Variants in GSE1 observed in about 807,000 individuals in gnomAD.
GSE1 encodes the protein Gse1 coiled-coil protein.
A neutral mutation model predicts 112.6 loss-of-function variants in GSE1; 32 were observed. The observed-to-expected ratio is 0.28, with a 90% CI of 0.21 to 0.38. GSE1 has a LOEUF of 0.38. Ranked by LOEUF, GSE1 falls within the 10% of genes least tolerant of loss-of-function variation. GSE1 has a pLI of 1.00. For synonymous variants in GSE1, 1,115 were observed against 735.6 expected (o/e 1.52, Z -8.35); for missense variants, 2,348 against 1,699.2 (o/e 1.38, Z -6.71).
At chr16:85,199,267 A>G (rs538009492) in intron 1 of GSE1, among the ~76,000 whole-genome samples, 2 of 151,878 alleles carry the variant, frequency 1.3e-5, no homozygotes, top group South Asian at 4.2e-4. Flanking sequence ...TGTATATTTT[A>G]TAGAGATGGG....
At chr16:85,270,989 C>T (rs1908771283) in intron 1 of GSE1, among the ~76,000 whole-genome samples, 1 of 152,136 alleles carries the variant, frequency 6.6e-6, no homozygotes, top group African/African-American at 2.4e-5. Flanking sequence ...TGCTAATCTC[C>T]CCCGTCTCAC....
In GSE1 at chr16:85,655,892, C is replaced by T. The variant is rs777477025; in HGVS notation, c.964C>T (p.Arg322Cys). ...ATCCCTGGCAGCGCTGCACTCGGAG[C>T]GCATGTCTGGCCTCAGCGCGGAGAG... ...HSSLAALHSE[R>C]MSGLSAERLQ... The change falls in exon 6 of 16, where the codon CGC becomes TGC. Residue 322 changes from arginine to cysteine, a missense_variant. Arg to Cys is a radical substitution (Grantham distance 180, BLOSUM62 -3). Transcript: ENST00000253458. 1.3e-5 allele frequency: 21 copies of T among 1,605,754 alleles called. No individual in the cohort carries two copies. Among genetic ancestry groups the T allele is most frequent in the East Asian group, 2.2e-5 (1 of 44,876 alleles).
chr16:85,331,484 T>C (rs2046354857), intron 1 of GSE1, among the ~76,000 whole-genome samples: 1 of 120,272 alleles, frequency 8.3e-6, no homozygotes, highest in Admixed American at 1.0e-4. Flanking sequence ...TATATATGTG[T>C]ATATATGTGT....
intron 2 of GSE1, among the ~76,000 whole-genome samples, chr16:85,537,344 A>C (rs2044364844): frequency 6.6e-6 from 1 of 152,168 alleles, no homozygotes; most frequent in African/African-American, 2.4e-5. Flanking sequence ...AGGGCGGGAC[A>C]GTGGAGACAG....
chr16:85,340,647 A>G (rs4505303), intron 1 of GSE1, among the ~76,000 whole-genome samples: 42,321 of 152,010 alleles, frequency 0.28, 5,952 homozygotes, highest in East Asian at 0.44. Flanking sequence ...TCCCAAAAAC[A>G]AACAAAGAAA....
intron 2 of GSE1, among the ~76,000 whole-genome samples, chr16:85,410,100 GC>G (rs1555582759): frequency 3.7e-5 from 2 of 54,244 alleles, no homozygotes; most frequent in Non-Finnish European, 6.1e-5. Flanking sequence ...TTACTCTCAG[GC>G]CCCCCGGATA....
chr16:85,340,803 C>T (rs373603219), intron 1 of GSE1, among the ~76,000 whole-genome samples: 4 of 152,216 alleles, frequency 2.6e-5, no homozygotes, highest in South Asian at 4.1e-4. Context: ...CTGACAGGCT[C>T]TGCAGGTGGC....
At chr16:85,666,484 T>C (rs2151989359) in intron 13 of GSE1, 137 bp downstream of exon 13, 1 of 783,474 alleles carries the variant, frequency 1.3e-6, no homozygotes, top group East Asian at 2.6e-5. Context: ...GAAAATAATT[T>C]CGTTATTATG....
chr16:85,186,969 C>T (rs924794746), intron 1 of GSE1, among the ~76,000 whole-genome samples: 8 of 152,210 alleles, frequency 5.3e-5, no homozygotes, highest in African/African-American at 1.7e-4. Flanking sequence ...TCCCACCAGC[C>T]CCTCAGGGTG....
chr16:85,254,101 G>A (rs987705351), intron 1 of GSE1, among the ~76,000 whole-genome samples: 1 of 152,212 alleles, frequency 6.6e-6, no homozygotes, highest in Non-Finnish European at 1.5e-5. Context: ...CCCGTATGGG[G>A]CACTTACCAT....
chr16:85,170,185 C>G (rs1597705979), exon 1 of GSE1: 2 of 985,294 alleles, frequency 2.0e-6, no homozygotes, highest in Admixed American at 6.1e-5. Flanking sequence ...GGGACCCGCT[C>G]CGGGACAGGG....
At chr16:85,523,141 C>T (rs377361422) in intron 2 of GSE1, among the ~76,000 whole-genome samples, 1 of 149,098 alleles carries the variant, frequency 6.7e-6, no homozygotes, top group Non-Finnish European at 1.5e-5. Flanking sequence ...GTGTGTGTGG[C>T]TGTGAGACCT....
intron 1 of GSE1, among the ~76,000 whole-genome samples, chr16:85,625,420 A>G (rs1454001317): frequency 2.0e-5 from 3 of 152,142 alleles, no homozygotes; most frequent in Admixed American, 6.5e-5. Context: ...CTCAGCATCC[A>G]GCGCCTTCTG....
chr16:85,262,302 C>T (rs1907780082), intron 1 of GSE1, among the ~76,000 whole-genome samples: 1 of 152,214 alleles, frequency 6.6e-6, no homozygotes, highest in African/African-American at 2.4e-5. Flanking sequence ...CTGCTTTGAA[C>T]ATATTTCCTT....
At chr16:85,417,104 C>A (rs1301383684) in intron 2 of GSE1, among the ~76,000 whole-genome samples, 2 of 152,206 alleles carry the variant, frequency 1.3e-5, no homozygotes, top group Non-Finnish European at 2.9e-5. Flanking sequence ...GGTCCCCCGG[C>A]CTTGGCCTCC....
At chr16:85,497,986 A>G (rs1361747218) in intron 2 of GSE1, among the ~76,000 whole-genome samples, 1 of 150,028 alleles carries the variant, frequency 6.7e-6, no homozygotes, top group Admixed American at 6.6e-5. Flanking sequence ...GCGGGCGACG[A>G]GGGACCCCAC....
At position 85,635,937 on chromosome 16, in the gene GSE1, G is replaced by C. The variant is rs191352238; in HGVS notation, c.226+1805G>C. On this transcript the variant is annotated intron_variant, in intron 2 of 15. Coordinates refer to ENST00000253458, the MANE Select transcript of GSE1 (RefSeq NM_014615.5). ...AGCGGCCGTGGGCGTCACAGCAGGA[G>C]CCTGCTCACAGGGCCGTCGCTTCCT... is the stretch of plus-strand genomic sequence containing the variant. Among the ~76,000 whole-genome samples the C allele has an allele frequency of 5.7e-3, 820 of 143,690 alleles. 1 individual carries two copies. Among genetic ancestry groups the C allele is most frequent in the African/African-American group, 0.02 (784 of 40,088 alleles). The allele number at this position is 143,690 out of a possible 152,430, so 94.3% of individuals were successfully genotyped here. A position where few individuals can be genotyped will look rare whatever the true frequency, so the allele number is the denominator to read the frequency against.
chr16:85,389,447 G>A (rs113687236), intron 2 of GSE1, among the ~76,000 whole-genome samples: 9,767 of 139,036 alleles, frequency 0.07, 1,140 homozygotes, highest in African/African-American at 0.25. Context: ...GTGACAGAGC[G>A]AGACTCTGTC....
At chr16:85,294,086 T>C (rs1244648028) in intron 1 of GSE1, among the ~76,000 whole-genome samples, 1 of 152,090 alleles carries the variant, frequency 6.6e-6, no homozygotes, top group East Asian at 1.9e-4. Context: ...CGGCAAAGAC[T>C]CCAGAGCATA....
Sources: gnomAD v4.1 joint callset for allele counts (sites outside exome capture counted in the v4.1 genomes callset) on GRCh38, gnomAD v4.1.1 for gene constraint, MANE v1.5 for transcripts, NCBI Gene and HGNC (gene_info 2026-07-23, HGNC 2026-07-21) for gene names.